SEC24B: variants seen among roughly 807,000 people sequenced by gnomAD.
The protein encoded by SEC24B is SEC24 homolog B, COPII component.
A neutral mutation model predicts 142.8 loss-of-function variants in SEC24B; 45 were observed. The observed-to-expected ratio is 0.32, with a 90% CI of 0.25 to 0.40. The LOEUF (loss-of-function observed/expected upper bound fraction) is 0.40, where lower values mean the gene tolerates loss of function less well. Among genes scored for constraint, SEC24B ranks in the 10% least tolerant of loss-of-function variants. The probability of loss-of-function intolerance (pLI) is 1.00; values close to 1 mark genes in which losing one functional copy is unlikely to be tolerated. For synonymous variants in SEC24B, 574 were observed against 568.2 expected (o/e 1.01, Z -0.15); for missense variants, 1,409 against 1,526.8 (o/e 0.92, Z 1.29).
At chr4:109,434,066 A>G in intron 1 of SEC24B, 64 bp downstream of exon 1, 1 of 992,382 alleles carries the variant, frequency 1.0e-6, no homozygotes, top group Non-Finnish European at 1.2e-6. Context: ...GCACGGCCAC[A>G]TCGGGGCGGG....
rs747481846 is a variant in SEC24B at position 109,463,547 on chromosome 4, A to T, written c.780A>T (p.Leu260=). 2 of 1,614,082 alleles carry T rather than the reference A, an allele frequency of 1.2e-6. No individual in the cohort carries two copies. The highest frequency in any genetic ancestry group is 4.5e-5 in the East Asian group (2 of 44,896). The change falls in exon 2 of 24, where the codon CTA becomes CTT. Residue 260 remains leucine (L), a synonymous_variant. Coordinates refer to ENST00000265175, the MANE Select transcript of SEC24B (RefSeq NM_006323.5). ...AAAGTCTTTCAGGATACAGTACTCT[A>T]ACGTGGTCATCTCCAGGCCTTCCAT... The part of the protein sequence containing the change: ...QQQSLSGYST[L]TWSSPGLPST...
chr4:109,462,525 G>A (rs1731370646), intron 1 of SEC24B, among the ~76,000 whole-genome samples: 1 of 152,164 alleles, frequency 6.6e-6, no homozygotes, highest in Non-Finnish European at 1.5e-5. Context: ...CCTTGCATGG[G>A]CTTCTTCATA....
At chr4:109,530,910 A>G (rs983810037) in intron 19 of SEC24B, among the ~76,000 whole-genome samples, 1 of 150,812 alleles carries the variant, frequency 6.6e-6, no homozygotes, top group Non-Finnish European at 1.5e-5. Context: ...AAAAAAAAAA[A>G]AAAAAAAAAA....
chr4:109,529,162 CG>C (rs886303619), intron 18 of SEC24B, among the ~76,000 whole-genome samples: 2 of 150,960 alleles, frequency 1.3e-5, no homozygotes, highest in Non-Finnish European at 3.0e-5. Context: ...GACTCTGTCT[CG>C]GGGGTGGGGG....
chr4:109,433,874 C>T lies in SEC24B; in HGVS notation c.5C>T (p.Ser2Leu). Residue 2 changes from serine (S) to leucine (L), a missense_variant, in exon 1 of 24, where the codon TCG becomes TTG. By Grantham distance (145) the Ser-to-Leu change is moderately radical. Coordinates refer to ENST00000265175, the MANE Select transcript of SEC24B (RefSeq NM_006323.5). M[S>L]APAGSSHPAA... ...GCCGTCGCCACCAGCGCCGTCATGT[C>T]GGCCCCCGCCGGGTCCTCTCACCCG... is the stretch of plus-strand genomic sequence containing the variant. 7.5e-7 allele frequency: 1 copy of T among 1,333,334 alleles called. No individual in the cohort carries two copies. The highest frequency in any genetic ancestry group is 3.2e-5 in the Admixed American group (1 of 30,974). 82.6% of individuals were successfully genotyped at this position (1,333,334 alleles called of 1,614,324 possible).
chr4:109,494,584 G>A, intron 5 of SEC24B, 31 bp from the exon 6 acceptor site: 4 of 1,611,262 alleles, frequency 2.5e-6, no homozygotes, highest in Non-Finnish European at 3.4e-6. Flanking sequence ...TTGATTTTCA[G>A]TTGTTAACAC....
At chr4:109,496,451 C>A (rs1284540547) in intron 6 of SEC24B, among the ~76,000 whole-genome samples, 1 of 152,106 alleles carries the variant, frequency 6.6e-6, no homozygotes, top group East Asian at 1.9e-4. Context: ...TTGCTACTTA[C>A]AGAAAACTGT....
At chr4:109,468,260 T>C (rs772515308) in intron 2 of SEC24B, among the ~76,000 whole-genome samples, 11 of 152,242 alleles carry the variant, frequency 7.2e-5, no homozygotes, top group African/African-American at 1.2e-4. Context: ...CACATACTTA[T>C]TCCTTCAGTT....
chr4:109,494,769 G>T lies in SEC24B; in HGVS notation c.1401G>T (p.Gln467His), dbSNP rs1735368967. 6.2e-7 allele frequency: 1 copy of T among 1,614,152 alleles called. No homozygotes were observed. The highest frequency in any genetic ancestry group is 8.5e-7 in the Non-Finnish European group (1 of 1,180,032). ...KPFGYGYPTL[Q>H]PGYQNATAPL... Reference sequence around the variant, plus strand: ...TTGGCTATGGCTATCCAACACTTCAGCCTGGTTATCAGAATGCTACAGCAC... The same window carrying T: ...TTGGCTATGGCTATCCAACACTTCATCCTGGTTATCAGAATGCTACAGCAC... Residue 467 changes from glutamine (Q) to histidine (H), a missense_variant, in exon 6 of 24, where the codon CAG becomes CAT. Physicochemically the swap from Gln to His is conservative, Grantham distance 24 (BLOSUM62 0). This residue lies in a region of SEC24B where 709 missense variants were observed against 673.5 expected (regional missense o/e 1.05). Transcript: ENST00000265175.
At chr4:109,536,685 A>G (rs1368487830) in intron 22 of SEC24B, among the ~76,000 whole-genome samples, 1 of 151,972 alleles carries the variant, frequency 6.6e-6, no homozygotes, top group African/African-American at 2.4e-5. Context: ...GCCTGCCACC[A>G]CGCCCAGCTA....
chr4:109,491,757 C>T (rs893194151), intron 5 of SEC24B, among the ~76,000 whole-genome samples: 3 of 151,932 alleles, frequency 2.0e-5, no homozygotes, highest in Non-Finnish European at 4.4e-5. Flanking sequence ...TCTTTTCAAC[C>T]AGCCTCTGAG....
At chr4:109,495,852 G>A (rs1032382380) in intron 6 of SEC24B, among the ~76,000 whole-genome samples, 6 of 152,006 alleles carry the variant, frequency 3.9e-5, no homozygotes, top group East Asian at 1.9e-4. Context: ...GCTGCTCTTC[G>A]TTAGAGAATG....
intron 6 of SEC24B, 143 bp from the exon 7 acceptor site, chr4:109,506,185 G>T (rs1736664442): frequency 2.2e-6 from 1 of 452,280 alleles, no homozygotes; most frequent in Non-Finnish European, 3.7e-6. Context: ...TTTTTCAAGT[G>T]TGCTTTAGAT....
rs754844460 is a variant in SEC24B, at chr4:109,531,364, C to T, written c.3253-21C>T. The T allele has an allele frequency of 5.1e-5, 81 of 1,579,138 alleles. No individual in the cohort carries two copies. The East Asian group carries it at 1.1e-3, about 22-fold the overall frequency. ...ACCATATTTGTATTTTACTTGAAAA[C>T]GTTTATCTTTTTCCTTGTAGAAAGC... On this transcript the variant is annotated intron_variant, in intron 19 of 23. Coordinates refer to ENST00000265175, the MANE Select transcript of SEC24B (RefSeq NM_006323.5).
intron 22 of SEC24B, among the ~76,000 whole-genome samples, chr4:109,536,002 G>A (rs1447739150): frequency 6.6e-6 from 1 of 152,098 alleles, no homozygotes; most frequent in Admixed American, 6.5e-5. Flanking sequence ...CTTATTGTTA[G>A]GTAATGTAAA....
At chr4:109,477,114 G>A (rs1486582226) in intron 3 of SEC24B, among the ~76,000 whole-genome samples, 1 of 142,228 alleles carries the variant, frequency 7.0e-6, no homozygotes, top group Non-Finnish European at 1.5e-5. Flanking sequence ...TCCAGCCTGG[G>A]CGACAGAGCG....
intron 17 of SEC24B, 78 bp downstream of exon 17, chr4:109,526,477 A>G: frequency 1.0e-6 from 1 of 993,816 alleles, no homozygotes; most frequent in Admixed American, 2.5e-5. Context: ...TGGAGTGGGG[A>G]AAAAGAATGA....
At chr4:109,482,287 C>T (rs1733816470) in intron 4 of SEC24B, among the ~76,000 whole-genome samples, 1 of 152,162 alleles carries the variant, frequency 6.6e-6, no homozygotes, top group Admixed American at 6.5e-5. Flanking sequence ...TATTTTCCTG[C>T]TTCATGAAAT....
chr4:109,497,974 GTAAA>G (rs1234437039), intron 6 of SEC24B, among the ~76,000 whole-genome samples: 2 of 152,176 alleles, frequency 1.3e-5, no homozygotes, highest in African/African-American at 2.4e-5. Context: ...TTTCTAAATT[GTAAA>G]TAGTCACCTT....
Sources: gnomAD v4.1 joint callset for allele counts (sites outside exome capture counted in the v4.1 genomes callset) on GRCh38, gnomAD v4.1.1 for gene constraint, gnomAD v4.1.1 regional missense constraint, MANE v1.5 for transcripts, NCBI Gene and HGNC (gene_info 2026-07-23, HGNC 2026-07-21) for gene names.